Variants in FANCB observed in about 807,000 individuals in gnomAD.
The protein encoded by FANCB is Fanconi anemia group B protein.
FANCB carries 5 observed loss-of-function variants against 38.9 expected under a neutral mutation model. The ratio of observed to expected loss-of-function variants is 0.13; its 90% CI spans 0.07 to 0.27. The LOEUF (loss-of-function observed/expected upper bound fraction) is 0.27, where lower values mean the gene tolerates loss of function less well. FANCB is among the 10% of genes least tolerant of loss of function. The probability of loss-of-function intolerance (pLI) is 1.00; values close to 1 mark genes in which losing one functional copy is unlikely to be tolerated. For synonymous variants in FANCB, 236 were observed against 215.4 expected, an observed-to-expected ratio of 1.10 and a Z score of -0.84; for missense variants, 573 against 602.7, an observed-to-expected ratio of 0.95 and a Z score of 0.52.
chrX:14,786,973 T>C, the FANCB span, among the ~76,000 whole-genome samples: 1 of 110,951 alleles, frequency 9.0e-6, no homozygotes, highest in Non-Finnish European at 1.9e-5. Flanking sequence ...GTGAAGAAAA[T>C]GGGTCAAAGG....
the FANCB span, among the ~76,000 whole-genome samples, chrX:14,719,519 G>A: frequency 9.0e-6 from 1 of 111,698 alleles, no homozygotes; most frequent in East Asian, 2.8e-4. Context: ...TCTCACCCCA[G>A]TTAGAATAGC....
At chrX:14,730,101 C>T in the FANCB span, 5 of 586,423 alleles carry the variant, frequency 8.5e-6, no homozygotes, top group East Asian at 1.3e-4. Context: ...CCTCCCACAC[C>T]ACCAGTTAAC....
the FANCB span, among the ~76,000 whole-genome samples, chrX:14,798,068 T>C: frequency 8.9e-6 from 1 of 112,106 alleles, no homozygotes; most frequent in Non-Finnish European, 1.9e-5. Context: ...CTTCCTATGA[T>C]AAAAAACTCA....
chrX:14,752,750 G>A, the FANCB span, among the ~76,000 whole-genome samples: 1 of 111,809 alleles, frequency 8.9e-6, no homozygotes, highest in Admixed American at 9.5e-5. Flanking sequence ...GAAATTTCTA[G>A]AGGAAGCTGT....
chrX:14,832,916 T>C (rs181144264), downstream of FANCB, among the ~76,000 whole-genome samples: 2 of 112,118 alleles, frequency 1.8e-5, no homozygotes, highest in East Asian at 2.8e-4. Flanking sequence ...TGTAAATTTG[T>C]TTTGAGTTGG....
chrX:14,800,531 G>A, the FANCB span, among the ~76,000 whole-genome samples: 2 of 111,539 alleles, frequency 1.8e-5, no homozygotes, highest in Admixed American at 1.9e-4. Context: ...CCAGAAAGGC[G>A]AGAGACTAAA....
intron 1 of FANCB, among the ~76,000 whole-genome samples, chrX:14,870,305 C>T (rs2092489595): frequency 9.0e-6 from 1 of 111,312 alleles, no homozygotes; most frequent in Non-Finnish European, 1.9e-5. Flanking sequence ...CAATTATAAG[C>T]AACCCCTCAC....
chrX:14,807,747 A>C, the FANCB span, among the ~76,000 whole-genome samples: 1 of 112,148 alleles, frequency 8.9e-6, no homozygotes, highest in Non-Finnish European at 1.9e-5. Context: ...CAAATGAAGA[A>C]AACAAAATAA....
chrX:14,724,626 C>CAAAAAAAAAAAAAAAA, the FANCB span, among the ~76,000 whole-genome samples: 15 of 49,585 alleles, frequency 3.0e-4, no homozygotes, highest in African/African-American at 6.9e-4. Flanking sequence ...AACTCTGTCT[C>CAAAAAAAAAAAAAAAA]AAAAAAAAAA....
At chrX:14,699,226 T>C in the FANCB span, among the ~76,000 whole-genome samples, 1 of 112,124 alleles carries the variant, frequency 8.9e-6, no homozygotes, top group African/African-American at 3.2e-5. Flanking sequence ...TTCTCTACAA[T>C]GCAGCCTCAC....
At chrX:14,696,608 A>T in the FANCB span, among the ~76,000 whole-genome samples, 3 of 111,887 alleles carry the variant, frequency 2.7e-5, no homozygotes, top group African/African-American at 9.8e-5. Context: ...AAAGGAGTAC[A>T]ACTAATAAAG....
chrX:14,832,413 A>T (rs768370036), downstream of FANCB, among the ~76,000 whole-genome samples: 1 of 111,501 alleles, frequency 9.0e-6, no homozygotes, highest in South Asian at 3.8e-4. Context: ...TCTCAACCAC[A>T]TCTGCAACAA....
At chrX:14,857,757 C>T in intron 5 of FANCB, 105 bp downstream of exon 5, 1 of 588,885 alleles carries the variant, frequency 1.7e-6, no homozygotes, top group Non-Finnish European at 2.9e-6. Context: ...ACCATTTTTA[C>T]CCAAGCACCA....
At chrX:14,753,708 G>GC in the FANCB span, among the ~76,000 whole-genome samples, 1 of 110,896 alleles carries the variant, frequency 9.0e-6, no homozygotes, top group East Asian at 2.8e-4. Context: ...AAGAGAGTAA[G>GC]CCCCAATGAA....
At chrX:14,863,319 C>T (rs1051624960) in intron 3 of FANCB, among the ~76,000 whole-genome samples, 1 of 112,408 alleles carries the variant, frequency 8.9e-6, no homozygotes, top group Non-Finnish European at 1.9e-5. Context: ...ATAGGGCACA[C>T]AAAATAAGGC....
chrX:14,852,379 G>C (rs2092405299), intron 6 of FANCB, among the ~76,000 whole-genome samples: 1 of 110,627 alleles, frequency 9.0e-6, no homozygotes, highest in African/African-American at 3.3e-5. Context: ...ATGTTGGCCA[G>C]GACTGTCTCA....
the FANCB span, among the ~76,000 whole-genome samples, chrX:14,814,156 C>T: frequency 9.0e-6 from 1 of 111,330 alleles, no homozygotes. Context: ...CTTCCTTACA[C>T]CTTATACAAA....
chrX:14,795,600 G>A, the FANCB span, among the ~76,000 whole-genome samples: 1,594 of 111,815 alleles, frequency 0.014, 26 homozygotes, highest in African/African-American at 0.042. Context: ...GAAAGATTGC[G>A]TGCAAATGCA....
the FANCB span, among the ~76,000 whole-genome samples, chrX:14,785,367 C>T: frequency 1.5e-4 from 17 of 111,947 alleles, no homozygotes; most frequent in Non-Finnish European, 1.9e-4. Flanking sequence ...TGCTAGAGTG[C>T]CCATTTCTTT....
Sources: gnomAD v4.1 joint callset for allele counts (sites outside exome capture counted in the v4.1 genomes callset) on GRCh38, gnomAD v4.1.1 for gene constraint, MANE v1.5 for transcripts, NCBI Gene and HGNC (gene_info 2026-07-23, HGNC 2026-07-21) for gene names.